FMN1: variants seen among roughly 807,000 people sequenced by gnomAD.
FMN1 encodes the protein formin-1.
FMN1 carries 110 observed loss-of-function variants against 132.4 expected under a neutral mutation model. The observed-to-expected ratio is 0.83, with a 90% CI of 0.71 to 0.97. The LOEUF (loss-of-function observed/expected upper bound fraction) is 0.97. Among genes scored for constraint, FMN1 ranks in the 50% least tolerant of loss-of-function variants. The probability of loss-of-function intolerance (pLI) is 0.00; values close to 1 mark genes in which losing one functional copy is unlikely to be tolerated. For missense variants in FMN1, 1,792 were observed against 1,705.3 expected (o/e 1.05, Z -0.90); for synonymous variants, 722 against 651.7 (o/e 1.11, Z -1.64).
intron 10 of FMN1, among the ~76,000 whole-genome samples, chr15:32,919,449 G>C (rs1191373003): frequency 6.6e-6 from 1 of 152,140 alleles, no homozygotes; most frequent in Non-Finnish European, 1.5e-5. Flanking sequence ...CTTCATTACT[G>C]TTAATAATGA....
chr15:33,016,485 G>A (rs929727426), intron 6 of FMN1, among the ~76,000 whole-genome samples: 1 of 152,188 alleles, frequency 6.6e-6, no homozygotes, highest in Non-Finnish European at 1.5e-5. Flanking sequence ...TAGTAACTGT[G>A]CAGTTTGAAG....
chr15:32,956,207 G>A (rs1266231963), intron 9 of FMN1, among the ~76,000 whole-genome samples: 1 of 152,078 alleles, frequency 6.6e-6, no homozygotes, highest in Non-Finnish European at 1.5e-5. Context: ...TAGGAAAAGA[G>A]CATCCTAAAT....
intron 6 of FMN1, among the ~76,000 whole-genome samples, chr15:33,017,355 C>T (rs1261324697): frequency 6.6e-6 from 1 of 152,122 alleles, no homozygotes; most frequent in Non-Finnish European, 1.5e-5. Flanking sequence ...ACAAATGTAC[C>T]ACTCCAATGG....
intron 15 of FMN1, among the ~76,000 whole-genome samples, chr15:32,894,019 C>T (rs1388745181): frequency 1.3e-5 from 2 of 152,220 alleles, no homozygotes; most frequent in Non-Finnish European, 2.9e-5. Flanking sequence ...TATGTGCCCG[C>T]TGCTGCTTCT....
intron 6 of FMN1, chr15:33,012,928 A>C: frequency 1.9e-6 from 1 of 519,884 alleles, no homozygotes; most frequent in East Asian, 5.0e-5. Flanking sequence ...CCGGTCTTCA[A>C]ATTTTTGATC....
chr15:32,945,668 T>A (rs1018617720), intron 9 of FMN1, among the ~76,000 whole-genome samples: 15 of 152,148 alleles, frequency 9.9e-5, no homozygotes, highest in Non-Finnish European at 8.8e-5. Flanking sequence ...GATATGATAA[T>A]CATTGCATTC....
Position 32,809,823 on chromosome 15 carries a change from C to T in FMN1, c.3929-5491G>A, listed in dbSNP as rs562918411. Among the ~76,000 whole-genome samples the T allele has an allele frequency of 2.0e-5, 3 of 152,290 alleles. No homozygotes were observed. In the East Asian group the frequency reaches 5.8e-4, roughly 29 times the overall value. ...GTCAAGGTCACTGGCTTGCAGCTGG[C>T]TTTTCCCACTGGACTCTGTGCTCCT... On this transcript the variant is annotated intron_variant, in intron 17 of 20. Transcript: ENST00000616417.
chr15:33,043,465 T>C (rs1041389131), intron 6 of FMN1, among the ~76,000 whole-genome samples: 3 of 152,236 alleles, frequency 2.0e-5, no homozygotes, highest in Non-Finnish European at 2.9e-5. Flanking sequence ...TTGCCGTCTA[T>C]AACTCTTGTT....
intron 4 of FMN1, among the ~76,000 whole-genome samples, chr15:33,101,353 G>T (rs2039286704): frequency 1.3e-5 from 2 of 151,962 alleles, no homozygotes; most frequent in Admixed American, 1.3e-4. Context: ...ACATAATCCT[G>T]TAATCTAGGG....
At chr15:32,940,754 A>G (rs1383754888) in intron 9 of FMN1, among the ~76,000 whole-genome samples, 1 of 152,142 alleles carries the variant, frequency 6.6e-6, no homozygotes, top group Non-Finnish European at 1.5e-5. Flanking sequence ...TCTGCAGAAC[A>G]TGAACCCCAA....
rs149473478 is a variant in FMN1 at position 33,193,070 on chromosome 15, C to G, written c.-197+839G>C. 5.3e-4 allele frequency among the ~76,000 whole-genome samples: 81 copies of G among 152,270 alleles called. 1 individual carries two copies. The East Asian group carries it at 0.014, about 26-fold the overall frequency. On this transcript the variant is annotated intron_variant, in intron 2 of 20. Transcript: ENST00000616417. ...TCTCCATTGTTTCCCTCCATTGAGG[C>G]CATTGCTTCTTTGTTCCTGCAATAT...
intron 6 of FMN1, among the ~76,000 whole-genome samples, chr15:33,032,224 T>C (rs1210837619): frequency 6.6e-6 from 1 of 152,206 alleles, no homozygotes; most frequent in African/African-American, 2.4e-5. Context: ...GTTGATTTGG[T>C]AGCTGGCATG....
At chr15:33,092,449 G>A (rs2038936699) in intron 4 of FMN1, among the ~76,000 whole-genome samples, 5 of 152,016 alleles carry the variant, frequency 3.3e-5, no homozygotes, top group Admixed American at 3.3e-4. Flanking sequence ...GACTTCCTTT[G>A]GCCATCTGAA....
chr15:32,977,326 A>G (rs1224575244), intron 7 of FMN1, among the ~76,000 whole-genome samples: 1 of 152,212 alleles, frequency 6.6e-6, no homozygotes, highest in Non-Finnish European at 1.5e-5. Flanking sequence ...CATGCAATAT[A>G]TTTTAGGAAG....
chr15:33,025,735 C>G (rs1306133322), intron 6 of FMN1, among the ~76,000 whole-genome samples: 2 of 152,044 alleles, frequency 1.3e-5, no homozygotes, highest in Non-Finnish European at 2.9e-5. Context: ...CTCAAAATCT[C>G]AAAATGATAC....
At chr15:32,829,898 A>AG (rs1353376944) in intron 17 of FMN1, among the ~76,000 whole-genome samples, 2 of 152,178 alleles carry the variant, frequency 1.3e-5, no homozygotes, top group South Asian at 2.1e-4. Flanking sequence ...CACAGAAATG[A>AG]GGGGGGACAC....
At chr15:33,107,944 GGT>G (rs1192789025) in intron 4 of FMN1, among the ~76,000 whole-genome samples, 1 of 152,210 alleles carries the variant, frequency 6.6e-6, no homozygotes, top group East Asian at 1.9e-4. Flanking sequence ...AAGCCACAGA[GGT>G]GTGTTTGCAG....
At chr15:33,096,498 C>G (rs934263156) in intron 4 of FMN1, among the ~76,000 whole-genome samples, 1 of 152,118 alleles carries the variant, frequency 6.6e-6, no homozygotes, top group Non-Finnish European at 1.5e-5. Context: ...GTCTTAGGCA[C>G]CAGAGTTTTC....
chr15:32,895,241 C>A (rs2060125342), intron 15 of FMN1, among the ~76,000 whole-genome samples: 1 of 151,284 alleles, frequency 6.6e-6, no homozygotes, highest in South Asian at 2.1e-4. Context: ...TGTTCGTATG[C>A]ATGTGTGAGA....
Sources: gnomAD v4.1 joint callset for allele counts (sites outside exome capture counted in the v4.1 genomes callset) on GRCh38, gnomAD v4.1.1 for gene constraint, MANE v1.5 for transcripts, NCBI Gene and HGNC (gene_info 2026-07-23, HGNC 2026-07-21) for gene names.